The following BIRC7 variants were observed in gnomAD, a reference collection of about 807,000 sequenced individuals.
BIRC7 encodes baculoviral IAP repeat containing 7.
A neutral mutation model predicts 33.2 loss-of-function variants in BIRC7; 26 were observed. That is an observed-to-expected ratio of 0.78 (90% CI 0.57 to 1.09). The LOEUF (loss-of-function observed/expected upper bound fraction) is 1.09. BIRC7 is among the 50% of genes least tolerant of loss of function. The pLI, the probability that BIRC7 is intolerant of heterozygous loss-of-function variation, is 0.00. For synonymous variants in BIRC7, 176 were observed against 171.0 expected (o/e 1.03, Z -0.23); for missense variants, 409 against 401.2 (o/e 1.02, Z -0.17).
chr20:63,239,064 C>A, intron 4 of BIRC7, 98 bp from the exon 5 acceptor site: 1 of 1,282,050 alleles, frequency 7.8e-7, no homozygotes, highest in Non-Finnish European at 1.1e-6. Flanking sequence ...CCTCCACTCC[C>A]GGCCAGAACT....
At chr20:63,236,521 C>A in intron 1 of BIRC7, 76 bp downstream of exon 1, 1 of 1,465,626 alleles carries the variant, frequency 6.8e-7, no homozygotes, top group Non-Finnish European at 9.0e-7. Flanking sequence ...AGGGCTCTGC[C>A]TCCTCCGTAG....
intron 1 of BIRC7, among the ~76,000 whole-genome samples, chr20:63,237,631 C>T (rs532447658): frequency 6.6e-6 from 1 of 152,208 alleles, no homozygotes; most frequent in East Asian, 1.9e-4. Context: ...CCCCACTGCT[C>T]ACTCTGGGAA....
intron 6 of BIRC7, 54 bp downstream of exon 6, chr20:63,239,664 C>G: frequency 3.3e-6 from 5 of 1,521,618 alleles, no homozygotes; most frequent in Non-Finnish European, 4.4e-6. Flanking sequence ...GGGCCCTGAG[C>G]CGGCTGTGCC....
Position 63,239,315 on chromosome 20 carries a change from G to GA in BIRC7, c.650-43_650-42insA, listed in dbSNP as rs1334628247. ...CGACCTTCCATGGCCCATAGAGGGTGGGGGCCAGGGTGTGGGGACATTTCG... is the reference window on the plus strand; with the variant it reads ...CGACCTTCCATGGCCCATAGAGGGTGAGGGGCCAGGGTGTGGGGACATTTCG... On this transcript the variant is annotated intron_variant, in intron 5 of 6. Transcript: ENST00000217169. 3.1e-6 allele frequency: 5 copies of GA among 1,603,734 alleles called. No individual in the cohort carries two copies. The East Asian group carries it at 1.1e-4, about 36-fold the overall frequency.
At chr20:63,237,006 C>T (rs559425913) in intron 1 of BIRC7, among the ~76,000 whole-genome samples, 37 of 152,368 alleles carry the variant, frequency 2.4e-4, no homozygotes, top group South Asian at 1.9e-3. Flanking sequence ...TGCCCTACAG[C>T]TGCAGACCAT....
Position 63,237,900 on chromosome 20 carries a change from C to T in BIRC7, c.350-3C>T. 6.3e-7 allele frequency: 1 copy of T among 1,595,460 alleles called. No individual in the cohort carries two copies. Among genetic ancestry groups the T allele is most frequent in the Middle Eastern group, 1.7e-4 (1 of 5,986 alleles). On this transcript the variant is annotated splice_region_variant and splice_polypyrimidine_tract_variant and intron_variant, in intron 1 of 6. Transcript: ENST00000217169. ...CTGGGGCCAGCATCTCTCCGCACCC[C>T]AGGCCATCAGGACAAGGTGAGGTGC...
intron 1 of BIRC7, 132 bp from the exon 2 acceptor site, chr20:63,237,771 G>T: frequency 3.0e-6 from 2 of 664,622 alleles, no homozygotes; most frequent in South Asian, 2.4e-5. Flanking sequence ...CAAGCCCCCT[G>T]CCCACCCCCT....
chr20:63,236,122 G>C lies in BIRC7; in HGVS notation c.26G>C (p.Cys9Ser). The change falls in exon 1 of 7, where the codon TGC (cysteine) becomes TCC (serine). Residue 9 changes from cysteine to serine, a missense_variant. By Grantham distance (112) the Cys-to-Ser change is moderately radical (BLOSUM62 -1). Coordinates refer to ENST00000217169, the MANE Select transcript of BIRC7 (RefSeq NM_139317.3). ...ATGGGACCTAAAGACAGTGCCAAGTGCCTGCACCGTGGACCACAGCCGAGC... is the reference window on the plus strand; with the variant it reads ...ATGGGACCTAAAGACAGTGCCAAGTCCCTGCACCGTGGACCACAGCCGAGC... The part of the protein sequence containing the change: MGPKDSAK[C>S]LHRGPQPSHW... 6.4e-7 allele frequency: 1 copy of C among 1,574,598 alleles called. No individual in the cohort carries two copies. Among genetic ancestry groups the C allele is most frequent in the Non-Finnish European group, 8.6e-7 (1 of 1,158,522 alleles).
chr20:63,236,483 T>C, intron 1 of BIRC7, 38 bp downstream of exon 1: 1 of 1,502,368 alleles, frequency 6.7e-7, no homozygotes, highest in East Asian at 2.3e-5. Flanking sequence ...GCCGTGGGCC[T>C]GGGCACGATT....
In BIRC7 at chr20:63,239,154, G is replaced by A; in HGVS notation, c.578-8G>A. The A allele has an allele frequency of 2.5e-6, 4 of 1,612,138 alleles. No individual in the cohort carries two copies. Among genetic ancestry groups the A allele is most frequent in the Non-Finnish European group, 3.4e-6 (4 of 1,179,664 alleles). On this transcript the variant is annotated splice_region_variant and splice_polypyrimidine_tract_variant and intron_variant, in intron 4 of 6. Transcript: ENST00000217169. ...GTTAGGCCTCAAGTCTATCCTAACTGTCCACAGTCCCTGCCTCTGGGTACC... is the reference window on the plus strand; with the variant it reads ...GTTAGGCCTCAAGTCTATCCTAACTATCCACAGTCCCTGCCTCTGGGTACC...
intron 1 of BIRC7, 71 bp from the exon 2 acceptor site, chr20:63,237,832 T>G (rs879667703): frequency 2.2e-5 from 30 of 1,370,214 alleles, no homozygotes; most frequent in Non-Finnish European, 2.8e-5. Context: ...TCTCATAGCC[T>G]TGGAAGGACA....
Position 63,239,679 on chromosome 20 carries a change from C to T in BIRC7, c.*5+69C>T, listed in dbSNP as rs977007275. 3.3e-5 allele frequency: 49 copies of T among 1,493,624 alleles called. No homozygotes were observed. In the African/African-American group the frequency reaches 5.3e-4, roughly 16 times the overall value. The allele number at this position is 1,493,624 out of a possible 1,614,324, so 92.5% of individuals were successfully genotyped here. ...GGGCCCTGAGCCGGCTGTGCCCGGC[C>T]CTCCTGAACCCATGCAGGCCCTTCC... On this transcript the variant is annotated intron_variant, in intron 6 of 6. Coordinates refer to ENST00000217169, the MANE Select transcript of BIRC7 (RefSeq NM_139317.3).
chr20:63,238,614 G>C lies in BIRC7; in HGVS notation c.577G>C (p.Val193Leu), dbSNP rs965848770. The change falls in exon 4 of 7, where the codon GTC becomes CTC. Residue 193 changes from valine to leucine, a missense_variant and splice_region_variant. Physicochemically the swap from Val to Leu is conservative, Grantham distance 32 (BLOSUM62 1). Coordinates refer to ENST00000217169, the MANE Select transcript of BIRC7 (RefSeq NM_139317.3). ...AGACGCAGCCCCTGTGGCCCCCTCC[G>C]GTGAGAGCTGACACCACCCCTGCTG... ...PEDAAPVAPS[V>L]PASGYPELPT... 6.2e-7 allele frequency: 1 copy of C among 1,612,728 alleles called. No homozygotes were observed. The highest frequency in any genetic ancestry group is 2.2e-5 in the East Asian group (1 of 44,874).
chr20:63,236,431 G>C lies in BIRC7; in HGVS notation c.335G>C (p.Gly112Ala). 2 of 1,543,214 alleles carry C rather than the reference G, an allele frequency of 1.3e-6. No individual in the cohort carries two copies. Among genetic ancestry groups the C allele is most frequent in the South Asian group, 2.5e-5 (2 of 80,708 alleles). The part of the protein sequence containing the change: ...EVPPELLAAA[G>A]FFHTGHQDKV... ...CCACCCGAGCTGCTGGCTGCTGCCG[G>C]CTTCTTCCACACAGGTCAGTCCCGG... Residue 112 changes from glycine to alanine, a missense_variant, in exon 1 of 7, where the codon GGC (glycine) becomes GCC (alanine). Gly to Ala is a moderately conservative substitution (Grantham distance 60). Coordinates refer to ENST00000217169, the MANE Select transcript of BIRC7 (RefSeq NM_139317.3).
intron 2 of BIRC7, 83 bp downstream of exon 2, chr20:63,238,085 C>A (rs559374097): frequency 3.1e-6 from 4 of 1,273,794 alleles, no homozygotes; most frequent in Non-Finnish European, 3.2e-6. Context: ...CAACACCAGG[C>A]CTGCTTTGCC....
At chr20:63,236,504 C>T (rs747273073) in intron 1 of BIRC7, 59 bp downstream of exon 1, 266 of 1,486,306 alleles carry the variant, frequency 1.8e-4, no homozygotes, top group Non-Finnish European at 2.3e-4. Context: ...CTGGACCCTT[C>T]CAGCCCAGGG....
intron 4 of BIRC7, 122 bp from the exon 5 acceptor site, chr20:63,239,040 G>T (rs1007730730): frequency 4.0e-6 from 4 of 1,000,726 alleles, no homozygotes; most frequent in Non-Finnish European, 6.0e-6. Context: ...CGGGAGCGGG[G>T]ATACTCTGCA....
intron 1 of BIRC7, 130 bp downstream of exon 1, chr20:63,236,575 G>A: frequency 2.2e-6 from 3 of 1,337,590 alleles, no homozygotes; most frequent in South Asian, 4.1e-5. Flanking sequence ...TGACGGAGCA[G>A]TGGTCCTGCA....
In BIRC7 at chr20:63,239,362, G is replaced by A. The variant is rs758907331; in HGVS notation, c.654G>A (p.Gly218=). The change falls in exon 6 of 7, where the codon GGG becomes GGA. Residue 218 remains glycine (G), a synonymous_variant. Coordinates refer to ENST00000217169, the MANE Select transcript of BIRC7 (RefSeq NM_139317.3). The part of the protein sequence containing the change: ...VQSESAQEPG[G]VSPAEAQRAW... ...TTCGCAGGCCTGTCCTCCTAGGAGG[G>A]GTCAGTCCAGCCGAGGCCCAGAGGG... 3 of 1,602,980 alleles carry A rather than the reference G, an allele frequency of 1.9e-6. No individual in the cohort carries two copies. The highest frequency in any genetic ancestry group is 2.7e-5 in the African/African-American group (2 of 74,894).
Sources: gnomAD v4.1 joint callset for allele counts (sites outside exome capture counted in the v4.1 genomes callset) on GRCh38, gnomAD v4.1.1 for gene constraint, MANE v1.5 for transcripts, NCBI Gene and HGNC (gene_info 2026-07-23, HGNC 2026-07-21) for gene names.